Variants in TTC28 observed in about 807,000 individuals in gnomAD.
TTC28 encodes the protein tetratricopeptide repeat protein 28.
A neutral mutation model predicts 198.0 loss-of-function variants in TTC28; 61 were observed. The observed-to-expected ratio is 0.31, with a 90% CI of 0.25 to 0.38. The LOEUF (loss-of-function observed/expected upper bound fraction) is 0.38, where lower values mean the gene tolerates loss of function less well. Among genes scored for constraint, TTC28 ranks in the 10% least tolerant of loss-of-function variants. The probability of loss-of-function intolerance (pLI) is 1.00; values close to 1 mark genes in which losing one functional copy is unlikely to be tolerated. For synonymous variants in TTC28, 1,171 were observed against 1,297.8 expected, an observed-to-expected ratio of 0.90 and a Z score of 2.10; for missense variants, 2,678 against 3,164.0, an observed-to-expected ratio of 0.85 and a Z score of 3.69.
chr22:28,140,274 CCT>C (rs1468386659), intron 6 of TTC28, among the ~76,000 whole-genome samples: 1 of 152,162 alleles, frequency 6.6e-6, no homozygotes, highest in Non-Finnish European at 1.5e-5. Flanking sequence ...TGTATTGCTC[CCT>C]GAGAGGAAAC....
At chr22:28,127,390 G>T (rs1381488035) in intron 6 of TTC28, among the ~76,000 whole-genome samples, 1 of 152,158 alleles carries the variant, frequency 6.6e-6, no homozygotes, top group Non-Finnish European at 1.5e-5. Flanking sequence ...ACTTACTCCA[G>T]TGTAATGGTA....
Position 28,237,392 on chromosome 22 carries a change from T to C in TTC28, c.933+58806A>G, listed in dbSNP as rs973157533. Among the ~76,000 whole-genome samples the C allele has an allele frequency of 6.6e-5, 10 of 152,204 alleles. No individual in the cohort carries two copies. In the East Asian group the frequency reaches 1.3e-3, roughly 20 times the overall value. On this transcript the variant is annotated intron_variant, in intron 5 of 22. Coordinates refer to ENST00000397906, the MANE Select transcript of TTC28 (RefSeq NM_001145418.2). ...TCAAATCATTTTCTGTGTTTCATGG[T>C]TGAAATAAGGAACTCCAGTTGAGAA...
intron 2 of TTC28, among the ~76,000 whole-genome samples, chr22:28,519,820 A>G (rs2048864410): frequency 1.3e-5 from 2 of 152,238 alleles, no homozygotes; most frequent in Admixed American, 6.5e-5. Flanking sequence ...TTGGTGTCAC[A>G]GCATTGGTCT....
chr22:28,341,848 G>A (rs1237200107), intron 2 of TTC28, among the ~76,000 whole-genome samples: 1 of 151,900 alleles, frequency 6.6e-6, no homozygotes, highest in Non-Finnish European at 1.5e-5. Context: ...ACATGGAGGT[G>A]TACGCCTGTA....
intron 2 of TTC28, among the ~76,000 whole-genome samples, chr22:28,533,286 C>G (rs2049183684): frequency 6.6e-6 from 1 of 152,140 alleles, no homozygotes; most frequent in African/African-American, 2.4e-5. Context: ...AGAGCCAAAT[C>G]ATGAGCGAAC....
intron 2 of TTC28, among the ~76,000 whole-genome samples, chr22:28,484,550 C>T (rs1477557746): frequency 1.3e-5 from 2 of 152,146 alleles, no homozygotes; most frequent in African/African-American, 4.8e-5. Context: ...CTGGGGTAGA[C>T]AACCTCAACA....
At chr22:28,585,398 T>C (rs2050299403) in intron 2 of TTC28, among the ~76,000 whole-genome samples, 1 of 152,192 alleles carries the variant, frequency 6.6e-6, no homozygotes, top group African/African-American at 2.4e-5. Context: ...CCAACCTGGA[T>C]TCCGTGCATG....
chr22:28,086,725 GC>G (rs1483562761), intron 12 of TTC28, among the ~76,000 whole-genome samples: 2 of 152,078 alleles, frequency 1.3e-5, no homozygotes, highest in African/African-American at 4.8e-5. Flanking sequence ...GAATCCAGGA[GC>G]TGGTTTTTTG....
intron 6 of TTC28, among the ~76,000 whole-genome samples, chr22:28,123,358 T>G (rs1309704667): frequency 6.6e-6 from 1 of 152,054 alleles, no homozygotes; most frequent in East Asian, 1.9e-4. Flanking sequence ...CGGGTTCAAG[T>G]GATTCTCCTG....
chr22:28,282,331 T>C (rs2044598975), intron 5 of TTC28, among the ~76,000 whole-genome samples: 1 of 152,142 alleles, frequency 6.6e-6, no homozygotes, highest in Admixed American at 6.5e-5. Flanking sequence ...AAAATGAAAA[T>C]AGTCTATGAT....
chr22:28,253,037 G>C (rs1371154915), intron 5 of TTC28, among the ~76,000 whole-genome samples: 1 of 152,074 alleles, frequency 6.6e-6, no homozygotes. Flanking sequence ...AGATATTTCA[G>C]AGAATGGACT....
chr22:28,596,054 C>T (rs2050536260), intron 2 of TTC28, among the ~76,000 whole-genome samples: 1 of 152,094 alleles, frequency 6.6e-6, no homozygotes, highest in Admixed American at 6.6e-5. Context: ...AAAACAAAAA[C>T]AATCTGATAG....
intron 2 of TTC28, among the ~76,000 whole-genome samples, chr22:28,456,111 A>G (rs1287162821): frequency 6.6e-6 from 1 of 150,720 alleles, no homozygotes; most frequent in Non-Finnish European, 1.5e-5. Flanking sequence ...GTGAGCCGAG[A>G]TTGCACCACT....
Position 27,982,762 on chromosome 22 carries a change from G to A in TTC28, c.6905C>T (p.Ser2302Leu). ...GGAGCTTGGGGACATGTTCCTTGGT[G>A]ATTTGGAAATGTGAGCGCTGTAAGG... is the stretch of plus-strand genomic sequence containing the variant. ...SSPYSAHISK[S>L]PRNMSPSSGH... is the part of the protein sequence containing the mutation. The change falls in exon 23 of 23, where the codon TCA (serine) becomes TTA (leucine). Residue 2302 changes from serine (S) to leucine (L), a missense_variant. Physicochemically the swap from Ser to Leu is moderately radical, Grantham distance 145 (BLOSUM62 -2). This residue lies in a region of TTC28 where 622 missense variants were observed against 656.0 expected (regional missense o/e 0.95). Transcript: ENST00000397906. This position sits in a 1 kb window ranked among gnomAD's most constrained non-coding sequence, Gnocchi z 5.2. The A allele has an allele frequency of 6.4e-7, 1 of 1,550,510 alleles. No homozygotes were observed. The highest frequency in any genetic ancestry group is 8.7e-7 in the Non-Finnish European group (1 of 1,146,142).
intron 5 of TTC28, among the ~76,000 whole-genome samples, chr22:28,264,624 C>T (rs1014517537): frequency 1.4e-4 from 22 of 152,196 alleles, no homozygotes; most frequent in African/African-American, 2.2e-4. Flanking sequence ...TGTGTGTACA[C>T]GCACACACGC....
rs190040312 is a variant in TTC28, at chr22:28,025,673, G to A, written c.4073+4553C>T. Among the ~76,000 whole-genome samples, 4 of 152,298 alleles carry A rather than the reference G, an allele frequency of 2.6e-5. No individual in the cohort carries two copies. The East Asian group carries it at 7.7e-4, about 29-fold the overall frequency. On this transcript the variant is annotated intron_variant, in intron 13 of 22. Coordinates refer to ENST00000397906, the MANE Select transcript of TTC28 (RefSeq NM_001145418.2). The stretch of plus-strand genomic sequence containing the variant: ...ATGAGAGGATCACTTGAGCCAGCCT[G>A]GGCCACAAAGCAAGACCCTGTTGCT...
chr22:28,601,163 A>G lies in TTC28; in HGVS notation c.381+28389T>C, dbSNP rs1340638313. The stretch of plus-strand genomic sequence containing the variant: ...CTAATGATCACAATAAACTTGTAGG[A>G]AATAGATCTATAATTTTTAGAAATT... On this transcript the variant is annotated intron_variant, in intron 2 of 22. Transcript: ENST00000397906. Among the ~76,000 whole-genome samples the G allele has an allele frequency of 2.6e-5, 4 of 152,200 alleles. No homozygotes were observed. In the East Asian group the frequency reaches 7.7e-4, roughly 29 times the overall value.
intron 2 of TTC28, among the ~76,000 whole-genome samples, chr22:28,497,230 A>C (rs1325681357): frequency 1.3e-5 from 2 of 152,180 alleles, no homozygotes; most frequent in African/African-American, 4.8e-5. Context: ...GCTTGTGCAC[A>C]GCTATATCCC....
At chr22:28,113,681 T>C in intron 6 of TTC28, among the ~76,000 whole-genome samples, 1 of 152,218 alleles carries the variant, frequency 6.6e-6, no homozygotes, top group East Asian at 1.9e-4. Flanking sequence ...CATTTACACA[T>C]GAAACAACGT....
Sources: allele counts gnomAD v4.1 joint callset (sites outside exome capture counted in the v4.1 genomes callset), GRCh38; gene constraint gnomAD v4.1.1; regional missense constraint gnomAD v4.1.1; non-coding constraint Gnocchi (gnomAD v3.1); transcripts MANE v1.5; gene names NCBI Gene and HGNC (gene_info 2026-07-23, HGNC 2026-07-21).